Variants in NTN4 observed in about 807,000 individuals in gnomAD.
NTN4 encodes the protein netrin-4.
Under a neutral mutation model 73.6 loss-of-function variants are expected in NTN4, and 32 were observed. The ratio of observed to expected loss-of-function variants is 0.44; its 90% CI spans 0.33 to 0.58. The LOEUF is 0.58. NTN4 is among the 20% of genes least tolerant of loss of function. The pLI, the probability that NTN4 is intolerant of heterozygous loss-of-function variation, is 0.04. For synonymous variants in NTN4, 258 were observed against 287.5 expected, an observed-to-expected ratio of 0.90 and a Z score of 1.04; for missense variants, 654 against 798.3, an observed-to-expected ratio of 0.82 and a Z score of 2.18.
intron 2 of NTN4, among the ~76,000 whole-genome samples, chr12:95,750,299 T>C (rs113319183): frequency 0.79 from 119,551 of 151,300 alleles, 47,886 homozygotes; most frequent in Non-Finnish European, 0.85. Flanking sequence ...CCCTTCTCTC[T>C]GTTTCTCTAC....
chr12:95,790,388 CG>C lies in NTN4; in HGVS notation c.-80del. ...ACCTCTGGGCTGCGGGATGAAGCGCCGCCGTCCTCGGGAGGGAACGGGGCCC... is the reference window on the plus strand; with the variant it reads ...ACCTCTGGGCTGCGGGATGAAGCGCCCCGTCCTCGGGAGGGAACGGGGCCC... On this transcript the variant is annotated 5_prime_UTR_variant, in exon 1 of 10. Transcript: ENST00000343702. The surrounding 1 kb of genome is among the most constrained non-coding windows in gnomAD (Gnocchi z 6.5). 1 of 1,258,110 alleles carries C rather than the reference CG, an allele frequency of 7.9e-7. No individual in the cohort carries two copies. Among genetic ancestry groups the C allele is most frequent in the Non-Finnish European group, 1.1e-6 (1 of 930,866 alleles). 77.9% of individuals were successfully genotyped at this position (1,258,110 alleles called of 1,614,324 possible). A position where few individuals can be genotyped will look rare whatever the true frequency, so the allele number is the denominator to read the frequency against.
At chr12:95,659,612 T>C (rs11108177) in intron 9 of NTN4, among the ~76,000 whole-genome samples, 4,057 of 152,224 alleles carry the variant, frequency 0.027, 70 homozygotes, top group East Asian at 0.083. Context: ...CCAGCAGTTT[T>C]ATATATTCAG....
chr12:95,770,614 T>C (rs193173188), intron 2 of NTN4, among the ~76,000 whole-genome samples: 149 of 152,312 alleles, frequency 9.8e-4, no homozygotes, highest in Non-Finnish European at 1.8e-3. Flanking sequence ...AAGGGCCAGA[T>C]TGGCTGAAAT....
intron 7 of NTN4, among the ~76,000 whole-genome samples, chr12:95,679,978 T>TA (rs1555214309): frequency 4.6e-5 from 7 of 152,188 alleles, no homozygotes; most frequent in African/African-American, 1.7e-4. Flanking sequence ...CCTGTATAGC[T>TA]AGCCTTCTTA....
intron 7 of NTN4, 114 bp downstream of exon 7, chr12:95,682,593 C>T: frequency 1.6e-6 from 1 of 619,236 alleles, no homozygotes; most frequent in South Asian, 2.2e-5. Context: ...CCATGAAACC[C>T]CAGAACTAAA....
intron 3 of NTN4, among the ~76,000 whole-genome samples, chr12:95,727,063 A>G (rs2078700433): frequency 6.6e-6 from 1 of 152,158 alleles, no homozygotes; most frequent in Non-Finnish European, 1.5e-5. Context: ...GAAGGTTCCA[A>G]CTTTTCCATA....
intron 7 of NTN4, among the ~76,000 whole-genome samples, chr12:95,674,477 A>G (rs2078258233): frequency 6.6e-6 from 1 of 152,164 alleles, no homozygotes; most frequent in African/African-American, 2.4e-5. Flanking sequence ...GGAAGGGAAG[A>G]AAAGCTTGTT....
rs569668281 is a variant in NTN4, at chr12:95,787,640, T to C, written c.56-172A>G. ...TCCTGTTTGAGCATGAACACTGTTC[T>C]GCATTCACAATGCATTCGTGTATGC... On this transcript the variant is annotated intron_variant, in intron 1 of 9. Coordinates refer to ENST00000343702, the MANE Select transcript of NTN4 (RefSeq NM_021229.4). Among the ~76,000 whole-genome samples the C allele has an allele frequency of 3.9e-5, 6 of 152,356 alleles. No homozygotes were observed. In the South Asian group the frequency reaches 1.0e-3, roughly 26 times the overall value.
intron 5 of NTN4, among the ~76,000 whole-genome samples, chr12:95,695,734 C>G (rs2078436571): frequency 6.6e-6 from 1 of 152,162 alleles, no homozygotes; most frequent in Admixed American, 6.5e-5. Context: ...TTCATGTTTA[C>G]TAGTTGTAGC....
intron 3 of NTN4, among the ~76,000 whole-genome samples, chr12:95,733,345 C>T (rs748365160): frequency 3.9e-5 from 6 of 152,152 alleles, no homozygotes; most frequent in Non-Finnish European, 7.3e-5. Context: ...CCACAAAACC[C>T]TCAGCCTTGT....
At chr12:95,672,249 G>A (rs535827461) in intron 7 of NTN4, 7 of 657,504 alleles carry the variant, frequency 1.1e-5, no homozygotes, top group African/African-American at 5.3e-5. Context: ...GGCAGGGGGC[G>A]GGCTGTGATT....
intron 2 of NTN4, among the ~76,000 whole-genome samples, chr12:95,745,634 G>A (rs531710852): frequency 6.6e-6 from 1 of 152,210 alleles, no homozygotes; most frequent in East Asian, 1.9e-4. Context: ...TCATTTCTGT[G>A]TCTGTTTCTA....
At chr12:95,762,055 C>T (rs145346412) in intron 2 of NTN4, among the ~76,000 whole-genome samples, 1 of 152,132 alleles carries the variant, frequency 6.6e-6, no homozygotes, top group East Asian at 1.9e-4. Context: ...GACTGGGTGC[C>T]ACAGAAAACC....
chr12:95,694,749 C>T lies in NTN4; in HGVS notation c.1181-11038G>A, dbSNP rs535396309. Among the ~76,000 whole-genome samples, 5 of 152,258 alleles carry T rather than the reference C, an allele frequency of 3.3e-5. No individual in the cohort carries two copies. The South Asian group carries it at 8.3e-4, about 25-fold the overall frequency. Reference sequence around the variant, plus strand: ...GGTACCCCTTTACTATCCTAGGGAACATTTTTCTATTGATCCTTGCAATGT... The same window carrying T: ...GGTACCCCTTTACTATCCTAGGGAATATTTTTCTATTGATCCTTGCAATGT... On this transcript the variant is annotated intron_variant, in intron 5 of 9. Transcript: ENST00000343702.
At chr12:95,761,442 C>T (rs2078986619) in intron 2 of NTN4, among the ~76,000 whole-genome samples, 2 of 151,304 alleles carry the variant, frequency 1.3e-5, no homozygotes, top group Admixed American at 6.6e-5. Context: ...GCGATTCTCC[C>T]ACTTCAGCCT....
intron 8 of NTN4, among the ~76,000 whole-genome samples, chr12:95,668,079 A>G (rs2078196670): frequency 6.6e-6 from 1 of 151,452 alleles, no homozygotes; most frequent in African/African-American, 2.4e-5. Context: ...GAGAGCAGGG[A>G]CCTTGTCTGT....
At chr12:95,728,445 C>T (rs770050280) in intron 3 of NTN4, among the ~76,000 whole-genome samples, 3 of 152,140 alleles carry the variant, frequency 2.0e-5, no homozygotes, top group Non-Finnish European at 4.4e-5. Flanking sequence ...ACCTTTATTA[C>T]ATTGAGAAGT....
rs1029952319 is a variant in NTN4, at chr12:95,781,142, G to A, written c.585+5797C>T. Among the ~76,000 whole-genome samples, 21 of 152,054 alleles carry A rather than the reference G, an allele frequency of 1.4e-4. No individual in the cohort carries two copies. The highest frequency in any genetic ancestry group is 4.1e-4 in the African/African-American group (17 of 41,390). On this transcript the variant is annotated intron_variant, in intron 2 of 9. Transcript: ENST00000343702. The surrounding 1 kb of genome is among the most constrained non-coding windows in gnomAD (Gnocchi z 4.1). ...GGAAGGGGAACATCACACACACACC[G>A]GGGCCTGTTGTGGGGTTGGGGGAGC... is the stretch of plus-strand genomic sequence containing the variant.
chr12:95,760,737 G>C (rs1376304288), intron 2 of NTN4, among the ~76,000 whole-genome samples: 2 of 151,398 alleles, frequency 1.3e-5, no homozygotes, highest in Non-Finnish European at 2.9e-5. Context: ...GAAAGAAGAG[G>C]GGGGCAGTCA....
Sources: allele counts gnomAD v4.1 joint callset (sites outside exome capture counted in the v4.1 genomes callset), GRCh38; gene constraint gnomAD v4.1.1; non-coding constraint Gnocchi (gnomAD v3.1); transcripts MANE v1.5; gene names NCBI Gene and HGNC (gene_info 2026-07-23, HGNC 2026-07-21).